Variants in IGSF10 observed in about 807,000 individuals in gnomAD.
The protein encoded by IGSF10 is calvaria mechanical force protein 608.
IGSF10 carries 126 observed loss-of-function variants against 128.2 expected under a neutral mutation model. The observed-to-expected ratio is 0.98, with a 90% CI of 0.85 to 1.14. The LOEUF (loss-of-function observed/expected upper bound fraction) is 1.14, where lower values mean the gene tolerates loss of function less well. Among genes scored for constraint, IGSF10 ranks in the 50% most tolerant of loss-of-function variants. The pLI is 0.00. For synonymous variants in IGSF10, 1,185 were observed against 1,146.2 expected (o/e 1.03, Z -0.68); for missense variants, 3,295 against 3,149.8 (o/e 1.05, Z -1.10).
chr3:151,568,326 T>C, the IGSF10 span, among the ~76,000 whole-genome samples: 54 of 152,186 alleles, frequency 3.5e-4, no homozygotes, highest in African/African-American at 1.3e-3. Context: ...ACGTGCCTCC[T>C]CCAGACACTG....
the IGSF10 span, among the ~76,000 whole-genome samples, chr3:151,524,700 T>C: frequency 2.0e-5 from 3 of 152,150 alleles, no homozygotes; most frequent in South Asian, 2.1e-4. Flanking sequence ...ACCTGGGTGA[T>C]GATTTGTACA....
the IGSF10 span, among the ~76,000 whole-genome samples, chr3:151,534,339 A>G: frequency 2.6e-5 from 4 of 152,192 alleles, no homozygotes; most frequent in African/African-American, 9.7e-5. Flanking sequence ...ATTCTTCTAT[A>G]AAGACACATG....
the IGSF10 span, among the ~76,000 whole-genome samples, chr3:151,479,358 C>A: frequency 6.6e-6 from 1 of 151,736 alleles, no homozygotes; most frequent in East Asian, 1.9e-4. Flanking sequence ...AACTTTTAAA[C>A]GTCTTTTAAT....
rs1436022185 is a variant in IGSF10, at chr3:151,437,537, G to C, written c.7024C>G (p.Pro2342Ala). Residue 2342 changes from proline (P) to alanine (A), a missense_variant, in exon 8 of 8, where the codon CCA (proline) becomes GCA (alanine). Physicochemically the swap from Pro to Ala is conservative, Grantham distance 27 (BLOSUM62 -1). Transcript: ENST00000282466. ...EMLRRPTFRN[P>A]FNEKIVAQLG... ...TGGGCAACTATTTTTTCATTAAATG[G>C]ATTTCTAAATGTCGGTCTTCTCAGC... 6.2e-7 allele frequency: 1 copy of C among 1,614,110 alleles called. No homozygotes were observed. The highest frequency in any genetic ancestry group is 8.5e-7 in the Non-Finnish European group (1 of 1,180,026).
the IGSF10 span, among the ~76,000 whole-genome samples, chr3:151,470,310 C>G: frequency 6.6e-6 from 1 of 152,196 alleles, no homozygotes; most frequent in Non-Finnish European, 1.5e-5. Flanking sequence ...AAAAGTCCAC[C>G]ATTTGGGATG....
At chr3:151,461,877 A>G (rs752837248), upstream of IGSF10, among the ~76,000 whole-genome samples, 8 of 152,218 alleles carry the variant, frequency 5.3e-5, no homozygotes, top group Non-Finnish European at 1.2e-4. Context: ...AATGTCCTCC[A>G]GGTTCATCCA....
At chr3:151,515,856 A>C in the IGSF10 span, among the ~76,000 whole-genome samples, 1 of 151,746 alleles carries the variant, frequency 6.6e-6, no homozygotes, top group Non-Finnish European at 1.5e-5. Context: ...GGTACATCCC[A>C]CTATCTGATG....
At chr3:151,488,921 C>T in the IGSF10 span, among the ~76,000 whole-genome samples, 1 of 152,152 alleles carries the variant, frequency 6.6e-6, no homozygotes, top group Non-Finnish European at 1.5e-5. Context: ...TGGACAAAGA[C>T]TTCATGACTG....
At chr3:151,442,083 C>T (rs1446970835) in intron 7 of IGSF10, among the ~76,000 whole-genome samples, 1 of 152,100 alleles carries the variant, frequency 6.6e-6, no homozygotes, top group Non-Finnish European at 1.5e-5. Flanking sequence ...TATTCATATG[C>T]CTATAACAGA....
At chr3:151,434,812 C>T (rs1264121957), downstream of IGSF10, 1 of 152,176 alleles carries the variant, frequency 6.6e-6, no homozygotes, top group Non-Finnish European at 1.5e-5. Flanking sequence ...GTTATAATTG[C>T]ATAGCATTTG....
the IGSF10 span, among the ~76,000 whole-genome samples, chr3:151,554,969 A>C: frequency 6.6e-6 from 1 of 152,172 alleles, no homozygotes; most frequent in African/African-American, 2.4e-5. Context: ...GTGGTAATAA[A>C]TAATTGATAT....
the IGSF10 span, among the ~76,000 whole-genome samples, chr3:151,497,929 C>T: frequency 8.5e-5 from 13 of 152,144 alleles, no homozygotes; most frequent in Admixed American, 5.9e-4. Flanking sequence ...ATTTTATTCC[C>T]TTTGAAGCAA....
the IGSF10 span, among the ~76,000 whole-genome samples, chr3:151,594,621 C>CT: frequency 2.7e-5 from 4 of 148,182 alleles, no homozygotes; most frequent in African/African-American, 1.0e-4. Flanking sequence ...CGCGCCCGGC[C>CT]CTTTTTTTTT....
In IGSF10 at chr3:151,448,430, C is replaced by T; in HGVS notation, c.1551G>A (p.Val517=). 1 of 1,614,230 alleles carries T rather than the reference C, an allele frequency of 6.2e-7. No homozygotes were observed. The highest frequency in any genetic ancestry group is 8.5e-7 in the Non-Finnish European group (1 of 1,180,036). ...VDWLLADGSK[V]RAPYVSEDGR... ...CATCCTCACTGACATAAGGGGCTCT[C>T]ACTTTACTTCCATCAGCTAGAAGCC... Residue 517 remains valine (V), a synonymous_variant, in exon 6 of 8, where the codon GTG becomes GTA. Coordinates refer to ENST00000282466, the MANE Select transcript of IGSF10 (RefSeq NM_178822.5).
At chr3:151,516,098 G>A in the IGSF10 span, among the ~76,000 whole-genome samples, 24 of 151,920 alleles carry the variant, frequency 1.6e-4, no homozygotes, top group Non-Finnish European at 3.2e-4. Context: ...TGGATCTTCT[G>A]AAGTAGACTG....
At chr3:151,594,116 T>A in the IGSF10 span, among the ~76,000 whole-genome samples, 1 of 152,142 alleles carries the variant, frequency 6.6e-6, no homozygotes, top group Non-Finnish European at 1.5e-5. Context: ...TTCTATGTGG[T>A]CTGTACCACA....
chr3:151,493,507 T>G, the IGSF10 span, among the ~76,000 whole-genome samples: 4,469 of 152,284 alleles, frequency 0.029, 221 homozygotes, highest in African/African-American at 0.1. Flanking sequence ...TTTAGATATG[T>G]TCAGATACAC....
the IGSF10 span, among the ~76,000 whole-genome samples, chr3:151,468,213 G>A: frequency 1.3e-5 from 2 of 152,150 alleles, no homozygotes; most frequent in Admixed American, 1.3e-4. Context: ...TGACTGAATT[G>A]GTGGCTTTAG....
At chr3:151,594,804 G>A in the IGSF10 span, among the ~76,000 whole-genome samples, 3 of 151,682 alleles carry the variant, frequency 2.0e-5, no homozygotes, top group Non-Finnish European at 1.5e-5. Context: ...AAGAAATGAT[G>A]AACATTCCAG....
Sources: gnomAD v4.1 joint callset for allele counts (sites outside exome capture counted in the v4.1 genomes callset) on GRCh38, gnomAD v4.1.1 for gene constraint, MANE v1.5 for transcripts, NCBI Gene and HGNC (gene_info 2026-07-23, HGNC 2026-07-21) for gene names.